Variants in GALNT7 observed in about 807,000 individuals in gnomAD.
GALNT7 encodes the protein polypeptide N-acetylgalactosaminyltransferase 7.
GALNT7 carries 60 observed loss-of-function variants against 82.1 expected under a neutral mutation model. That is an observed-to-expected ratio of 0.73 (90% confidence interval 0.59 to 0.91). The LOEUF is 0.91. Among genes scored for constraint, GALNT7 ranks in the 40% least tolerant of loss-of-function variants. The probability of loss-of-function intolerance (pLI) is 0.00; values close to 1 mark genes in which losing one functional copy is unlikely to be tolerated. For synonymous variants in GALNT7, 243 were observed against 275.1 expected (o/e 0.88, Z 1.15); for missense variants, 660 against 804.2 (o/e 0.82, Z 2.17).
At chr4:173,315,202 T>C (rs1191876238) in intron 9 of GALNT7, among the ~76,000 whole-genome samples, 1 of 152,174 alleles carries the variant, frequency 6.6e-6, no homozygotes, top group Non-Finnish European at 1.5e-5. Flanking sequence ...GCATAGTTCA[T>C]CTGGGAGTGG....
intron 1 of GALNT7, among the ~76,000 whole-genome samples, chr4:173,225,964 C>G (rs1409479182): frequency 1.3e-5 from 2 of 152,144 alleles, no homozygotes; most frequent in African/African-American, 2.4e-5. Flanking sequence ...CAATTTGGAG[C>G]AAGAGGACTG....
chr4:173,310,601 A>G (rs1580012128), intron 8 of GALNT7, among the ~76,000 whole-genome samples: 1 of 152,322 alleles, frequency 6.6e-6, no homozygotes, highest in Middle Eastern at 3.4e-3. Flanking sequence ...AATAATATTA[A>G]TAATAGCTAA....
chr4:173,257,775 G>T (rs1220949817), intron 2 of GALNT7, among the ~76,000 whole-genome samples: 1 of 152,122 alleles, frequency 6.6e-6, no homozygotes, highest in Non-Finnish European at 1.5e-5. Context: ...GAGTAGAAAG[G>T]CCCAGTGAGC....
rs551864687 is a variant in GALNT7 at position 173,171,108 on chromosome 4, C to T, written c.126+2147C>T. On this transcript the variant is annotated intron_variant, in intron 1 of 11. Transcript: ENST00000265000. ...TAGGTATCAGAAGAGCAAGAAAGACCCTTTTATTGGCTTCCCAGGTAAATA... is the reference window on the plus strand; with the variant it reads ...TAGGTATCAGAAGAGCAAGAAAGACTCTTTTATTGGCTTCCCAGGTAAATA... Among the ~76,000 whole-genome samples, 16 of 152,090 alleles carry T rather than the reference C, an allele frequency of 1.1e-4. 1 individual carries two copies. In the South Asian group the frequency reaches 3.3e-3, roughly 32 times the overall value.
chr4:173,250,868 C>T (rs1734822952), intron 2 of GALNT7, among the ~76,000 whole-genome samples: 1 of 152,160 alleles, frequency 6.6e-6, no homozygotes, highest in African/African-American at 2.4e-5. Flanking sequence ...TCCATGAATG[C>T]TTGTTCCTTT....
At chr4:173,200,719 A>G (rs1732919538) in intron 1 of GALNT7, among the ~76,000 whole-genome samples, 2 of 152,238 alleles carry the variant, frequency 1.3e-5, no homozygotes, top group South Asian at 4.1e-4. Context: ...TGCAGCAAAT[A>G]TATTTTGCAG....
At chr4:173,294,652 G>C (rs1736655932) in intron 3 of GALNT7, among the ~76,000 whole-genome samples, 1 of 152,040 alleles carries the variant, frequency 6.6e-6, no homozygotes, top group Non-Finnish European at 1.5e-5. Flanking sequence ...TAATTTCATG[G>C]GCTCATAGTG....
At chr4:173,184,071 T>C (rs1380852240) in intron 1 of GALNT7, among the ~76,000 whole-genome samples, 1 of 147,374 alleles carries the variant, frequency 6.8e-6, no homozygotes, top group Admixed American at 6.8e-5. Flanking sequence ...CCTCACTTCC[T>C]AGACAGGATG....
rs577740869 is a variant in GALNT7, at chr4:173,203,391, A to G, written c.126+34430A>G. Among the ~76,000 whole-genome samples, 4 of 152,300 alleles carry G rather than the reference A, an allele frequency of 2.6e-5. No homozygotes were observed. The East Asian group carries it at 7.7e-4, about 29-fold the overall frequency. On this transcript the variant is annotated intron_variant, in intron 1 of 11. Coordinates refer to ENST00000265000, the MANE Select transcript of GALNT7 (RefSeq NM_017423.3). ...CAGGCGTGAGCCACCGTGCCCAGCC[A>G]GGTCTTGTTTTTTTATCCATTCAAC...
chr4:173,221,158 C>A (rs529985552), intron 1 of GALNT7, among the ~76,000 whole-genome samples: 4 of 152,032 alleles, frequency 2.6e-5, no homozygotes, highest in African/African-American at 9.6e-5. Flanking sequence ...TCCTCTCCAG[C>A]ACCTGTTGTT....
At chr4:173,180,141 A>G (rs1732195771) in intron 1 of GALNT7, among the ~76,000 whole-genome samples, 1 of 152,136 alleles carries the variant, frequency 6.6e-6, no homozygotes, top group South Asian at 2.1e-4. Context: ...ATCTGTTTAG[A>G]TTTATAGGTT....
intron 10 of GALNT7, 112 bp from the exon 11 acceptor site, chr4:173,318,319 A>G (rs1737677743): frequency 1.3e-6 from 1 of 774,828 alleles, no homozygotes. Flanking sequence ...AAAATTATGG[A>G]AAAATAAGTT....
intron 2 of GALNT7, among the ~76,000 whole-genome samples, chr4:173,283,579 G>T (rs1210749840): frequency 1.3e-5 from 2 of 151,050 alleles, no homozygotes; most frequent in African/African-American, 4.9e-5. Flanking sequence ...GGTGGAGGTT[G>T]TGAGCCAAGA....
intron 2 of GALNT7, among the ~76,000 whole-genome samples, chr4:173,262,548 T>G (rs571132839): frequency 6.6e-6 from 1 of 152,330 alleles, no homozygotes; most frequent in African/African-American, 2.4e-5. Context: ...GCCTGAGAGC[T>G]CAAGTTTTGT....
At chr4:173,193,145 C>T (rs1732674053) in intron 1 of GALNT7, among the ~76,000 whole-genome samples, 2 of 152,240 alleles carry the variant, frequency 1.3e-5, no homozygotes, top group African/African-American at 4.8e-5. Context: ...GACAAAAAGG[C>T]TCGGCCTCTG....
intron 2 of GALNT7, among the ~76,000 whole-genome samples, chr4:173,275,569 C>T (rs966902367): frequency 2.0e-5 from 3 of 152,170 alleles, no homozygotes; most frequent in East Asian, 3.9e-4. Flanking sequence ...TCATGAGCTA[C>T]GTGCAGCAGT....
At chr4:173,199,180 AC>A (rs1467575318) in intron 1 of GALNT7, among the ~76,000 whole-genome samples, 1 of 152,232 alleles carries the variant, frequency 6.6e-6, no homozygotes, top group Non-Finnish European at 1.5e-5. Flanking sequence ...GATGACAGTT[AC>A]ATTTAAAGAG....
intron 1 of GALNT7, among the ~76,000 whole-genome samples, chr4:173,190,093 C>G (rs1732583840): frequency 2.0e-5 from 3 of 150,752 alleles, no homozygotes; most frequent in African/African-American, 7.3e-5. Context: ...CCCCTTCTCT[C>G]TTGTTACTCT....
intron 1 of GALNT7, among the ~76,000 whole-genome samples, chr4:173,231,749 A>G (rs1283926183): frequency 1.2e-4 from 18 of 152,322 alleles, no homozygotes; most frequent in Non-Finnish European, 2.9e-5. Context: ...AGGCCAGGAA[A>G]CATGTTTCCT....
Sources: gnomAD v4.1 joint callset for allele counts (sites outside exome capture counted in the v4.1 genomes callset) on GRCh38, gnomAD v4.1.1 for gene constraint, MANE v1.5 for transcripts, NCBI Gene and HGNC (gene_info 2026-07-23, HGNC 2026-07-21) for gene names.